The following SHPRH variants were observed in gnomAD, a reference collection of about 807,000 sequenced individuals.
SHPRH encodes SNF2 histone linker PHD RING helicase, also known as E3 ubiquitin-protein ligase SHPRH.
A neutral mutation model predicts 202.5 loss-of-function variants in SHPRH; 106 were observed. That is an observed-to-expected ratio of 0.52 (90% confidence interval 0.45 to 0.62). The LOEUF is 0.62. Among genes scored for constraint, SHPRH ranks in the 20% least tolerant of loss-of-function variants. The pLI, the probability that SHPRH is intolerant of heterozygous loss-of-function variation, is 0.00. For missense variants in SHPRH, 1,710 were observed against 2,020.0 expected (o/e 0.85, Z 2.94); for synonymous variants, 729 against 686.0 (o/e 1.06, Z -0.98).
At chr6:145,927,742 G>T (rs989269734) in intron 14 of SHPRH, among the ~76,000 whole-genome samples, 5 of 151,796 alleles carry the variant, frequency 3.3e-5, no homozygotes, top group African/African-American at 1.2e-4. Context: ...ATAGCGATCA[G>T]AAAAATATAG....
rs141501201 is a variant in SHPRH, at chr6:145,887,866, CT to C, written c.4955+153del. Among the ~76,000 whole-genome samples the C allele has an allele frequency of 6.0e-3, 915 of 152,244 alleles. 10 individuals are homozygous for C. Among genetic ancestry groups the C allele is most frequent in the African/African-American group, 0.021 (866 of 41,546 alleles). On this transcript the variant is annotated intron_variant, in intron 29 of 29. Coordinates refer to ENST00000275233, the MANE Select transcript of SHPRH (RefSeq NM_001042683.3). ...AAATATACAAAGTCTGGAGCACTGA[CT>C]GGGAAACAGTGAAAAGGCAAAACGT...
In SHPRH at chr6:145,935,492, T is replaced by C. The variant is rs772293172; in HGVS notation, c.2570-51A>G. ...GAGGATAACTCTATTACTTCATTAC[T>C]AGTTTGCAGAAGCTTTTCTACAGAC... is the stretch of plus-strand genomic sequence containing the variant. On this transcript the variant is annotated intron_variant, in intron 11 of 29. Transcript: ENST00000275233. 1.1e-5 allele frequency: 17 copies of C among 1,576,678 alleles called. No homozygotes were observed. The African/African-American group carries it at 2.0e-4, about 19-fold the overall frequency.
chr6:145,912,458 A>T (rs1783581018), intron 24 of SHPRH, among the ~76,000 whole-genome samples: 1 of 152,156 alleles, frequency 6.6e-6, no homozygotes, highest in Non-Finnish European at 1.5e-5. Flanking sequence ...TATCTGAGAC[A>T]GTCCAGTTGT....
intron 20 of SHPRH, among the ~76,000 whole-genome samples, 170 bp downstream of exon 20, chr6:145,922,116 T>C (rs1234471674): frequency 1.3e-5 from 2 of 151,984 alleles, no homozygotes; most frequent in Non-Finnish European, 2.9e-5. Context: ...TCTGGATAGG[T>C]AAAACTGGGC....
intron 23 of SHPRH, 77 bp from the exon 24 acceptor site, chr6:145,913,626 T>C: frequency 1.7e-6 from 2 of 1,206,036 alleles, no homozygotes; most frequent in Non-Finnish European, 2.4e-6. Context: ...GCAACTCATT[T>C]ATGGAAGTGA....
rs770271582 is a variant in SHPRH at position 145,954,738 on chromosome 6, C to T, written c.585G>A (p.Lys195=). The T allele has an allele frequency of 1.9e-6, 3 of 1,605,424 alleles. No homozygotes were observed. In the Admixed American group the frequency reaches 5.2e-5, roughly 28 times the overall value. The change falls in exon 2 of 30, where the codon AAG becomes AAA. Residue 195 remains lysine (K), a synonymous_variant. Coordinates refer to ENST00000275233, the MANE Select transcript of SHPRH (RefSeq NM_001042683.3). Reference sequence around the variant, plus strand: ...GTTTCTGATAGAGTTTTATTCTTCTCTTCTTTTGTAGCCACCCCAAATCTT... The same window carrying T: ...GTTTCTGATAGAGTTTTATTCTTCTTTTCTTTTGTAGCCACCCCAAATCTT... ...MLEDLGWLQK[K]RRIKLYQKPE...
At chr6:145,893,154 T>C in intron 28 of SHPRH, 61 bp downstream of exon 28, 1 of 1,426,298 alleles carries the variant, frequency 7.0e-7, no homozygotes. Context: ...AGAGTTTAAA[T>C]ACTGATTTGG....
intron 11 of SHPRH, among the ~76,000 whole-genome samples, chr6:145,938,102 C>A (rs534633831): frequency 2.6e-5 from 4 of 152,216 alleles, no homozygotes; most frequent in East Asian, 1.9e-4. Flanking sequence ...CAAAAGTTCA[C>A]GTGTTAGAAG....
At chr6:145,899,978 G>A (rs564809209) in intron 25 of SHPRH, among the ~76,000 whole-genome samples, 4 of 152,186 alleles carry the variant, frequency 2.6e-5, no homozygotes, top group Admixed American at 6.5e-5. Flanking sequence ...CTGTTAGAAT[G>A]ACTATTATAA....
intron 2 of SHPRH, among the ~76,000 whole-genome samples, chr6:145,872,092 A>G (rs2485632): frequency 0.37 from 56,549 of 152,026 alleles, 11,002 homozygotes; most frequent in South Asian, 0.49. Context: ...CTATAAAAAC[A>G]CTAGAAGAAA....
At chr6:145,869,752 A>T (rs1341457689) in intron 2 of SHPRH, among the ~76,000 whole-genome samples, 1 of 150,492 alleles carries the variant, frequency 6.6e-6, no homozygotes, top group Non-Finnish European at 1.5e-5. Flanking sequence ...TTGAAGTTAG[A>T]TACTATCAGT....
chr6:145,922,942 G>T, intron 18 of SHPRH, 106 bp from the exon 19 acceptor site: 41 of 1,198,788 alleles, frequency 3.4e-5, no homozygotes, highest in Middle Eastern at 4.6e-4. Flanking sequence ...GAAACTGTTT[G>T]CTGTTTTTTT....
At chr6:145,877,693 A>G (rs1023809405) in intron 2 of SHPRH, 2 of 152,202 alleles carry the variant, frequency 1.3e-5, no homozygotes, top group Admixed American at 6.6e-5. Flanking sequence ...TTGATAAGAA[A>G]CATTTTACAA....
At chr6:145,915,704 G>A (rs1783890327) in intron 23 of SHPRH, among the ~76,000 whole-genome samples, 2 of 151,882 alleles carry the variant, frequency 1.3e-5, no homozygotes, top group Admixed American at 6.6e-5. Context: ...TTTTATTAGT[G>A]TTCCTTTGTA....
At chr6:145,927,419 T>TACTTAA in intron 14 of SHPRH, 142 bp from the exon 15 acceptor site, 1 of 691,698 alleles carries the variant, frequency 1.4e-6, no homozygotes, top group Middle Eastern at 3.5e-4. Context: ...TTTGACTTGG[T>TACTTAA]ATTAATATGA....
chr6:145,911,045 T>C (rs1017886939), intron 24 of SHPRH, among the ~76,000 whole-genome samples: 1 of 152,170 alleles, frequency 6.6e-6, no homozygotes, highest in Non-Finnish European at 1.5e-5. Context: ...AGCACTTATA[T>C]AGAAAATAAT....
rs754439127 is a variant in SHPRH at position 145,945,528 on chromosome 6, T to C, written c.1431A>G (p.Gln477=). The C allele has an allele frequency of 3.1e-6, 5 of 1,613,318 alleles. No homozygotes were observed. The highest frequency in any genetic ancestry group is 1.7e-4 in the Middle Eastern group (1 of 6,052). ...TCCGTTTCAAAAGACTCCTGTTCCG[T>C]TGAACATCGTATCTATATATAGAAC... is the stretch of plus-strand genomic sequence containing the variant. ...YVSSIYRYDV[Q]RNRSLLKRML... is the part of the protein sequence containing the mutation. Residue 477 remains glutamine, a synonymous_variant, in exon 8 of 30, where the codon CAA becomes CAG. Transcript: ENST00000275233.
rs1296900703 is a variant in SHPRH, at chr6:145,954,848, C to A, written c.475G>T (p.Asp159Tyr). The part of the protein sequence containing the change: ...FLIYVHSKGE[D>Y]VEKQKKEPMS... ...GGTTCTTTTTTTTGTTTCTCTACATCTTCACCTTTTGAATGAACATAAATC... is the reference window on the plus strand; with the variant it reads ...GGTTCTTTTTTTTGTTTCTCTACATATTCACCTTTTGAATGAACATAAATC... Residue 159 changes from aspartate (D) to tyrosine (Y), a missense_variant, in exon 2 of 30, where the codon GAT becomes TAT. By Grantham distance (160) the Asp-to-Tyr change is radical. Around this residue, in one of 8 missense-constraint regions of SHPRH, gnomAD observed 459 missense variants for 426.5 expected, o/e 1.08. Coordinates refer to ENST00000275233, the MANE Select transcript of SHPRH (RefSeq NM_001042683.3). The A allele has an allele frequency of 5.0e-6, 8 of 1,613,764 alleles. No homozygotes were observed. The South Asian group carries it at 8.8e-5, about 18-fold the overall frequency.
chr6:145,925,771 T>C (rs1437327796), intron 16 of SHPRH, among the ~76,000 whole-genome samples: 2 of 152,086 alleles, frequency 1.3e-5, no homozygotes, highest in African/African-American at 2.4e-5. Flanking sequence ...ACACTTTTTG[T>C]AGAGGAAACT....
Sources: allele counts gnomAD v4.1 joint callset (sites outside exome capture counted in the v4.1 genomes callset), GRCh38; gene constraint gnomAD v4.1.1; regional missense constraint gnomAD v4.1.1; transcripts MANE v1.5; gene names NCBI Gene and HGNC (gene_info 2026-07-23, HGNC 2026-07-21).